The following SPICE1 variants were observed in gnomAD, a reference collection of about 807,000 sequenced individuals.
SPICE1 encodes the protein spindle and centriole associated protein 1, also known as spindle and centriole-associated protein 1.
A neutral mutation model predicts 102.7 loss-of-function variants in SPICE1; 75 were observed. The observed-to-expected ratio is 0.73, with a 90% CI of 0.61 to 0.88. SPICE1 has a LOEUF of 0.88. Among genes scored for constraint, SPICE1 ranks in the 40% least tolerant of loss-of-function variants. SPICE1 has a pLI of 0.00. For synonymous variants in SPICE1, 308 were observed against 350.3 expected (o/e 0.88, Z 1.35); for missense variants, 979 against 1,020.1 (o/e 0.96, Z 0.55).
At chr3:113,490,932 C>A (rs1936750842) in intron 6 of SPICE1, among the ~76,000 whole-genome samples, 1 of 152,128 alleles carries the variant, frequency 6.6e-6, no homozygotes, top group Non-Finnish European at 1.5e-5. Context: ...GGGTCAGGCC[C>A]TCACCACTTC....
At chr3:113,514,817 C>T (rs1264727137) in intron 1 of SPICE1, 80 bp downstream of exon 1, 2 of 1,261,586 alleles carry the variant, frequency 1.6e-6, no homozygotes, top group East Asian at 5.6e-5. Flanking sequence ...CAAAAGCTCC[C>T]GAAAGCGGTG....
intron 16 of SPICE1, among the ~76,000 whole-genome samples, 178 bp downstream of exon 16, chr3:113,447,860 T>C (rs886868244): frequency 1.3e-5 from 2 of 152,254 alleles, no homozygotes; most frequent in Non-Finnish European, 2.9e-5. Context: ...ACTTAAAGTT[T>C]ATTCCTCACT....
intron 7 of SPICE1, among the ~76,000 whole-genome samples, chr3:113,485,520 C>T (rs1431751490): frequency 6.6e-6 from 1 of 152,094 alleles, no homozygotes; most frequent in African/African-American, 2.4e-5. Flanking sequence ...TGCGGCCAGA[C>T]TGCCAGATTT....
chr3:113,491,603 C>G, intron 6 of SPICE1, among the ~76,000 whole-genome samples: 1 of 124,016 alleles, frequency 8.1e-6, no homozygotes, highest in East Asian at 2.3e-4. Flanking sequence ...CCAGCCTGGG[C>G]GACAGAGCGA....
chr3:113,478,076 C>T (rs571904232), intron 7 of SPICE1, among the ~76,000 whole-genome samples: 1 of 151,082 alleles, frequency 6.6e-6, no homozygotes, highest in East Asian at 1.9e-4. Flanking sequence ...AAGGTAACCA[C>T]CAGAACAAAA....
chr3:113,474,646 G>A (rs1395382579), intron 7 of SPICE1, among the ~76,000 whole-genome samples: 13 of 152,054 alleles, frequency 8.5e-5, no homozygotes, highest in Non-Finnish European at 1.5e-4. Context: ...ACTCAAAACC[G>A]CTCAACTACG....
At chr3:113,470,515 T>C (rs1321468130) in intron 7 of SPICE1, among the ~76,000 whole-genome samples, 1 of 152,220 alleles carries the variant, frequency 6.6e-6, no homozygotes, top group Non-Finnish European at 1.5e-5. Flanking sequence ...GAAATACTGC[T>C]AGCTTAAATT....
At chr3:113,445,501 G>T in intron 17 of SPICE1, 141 bp from the exon 18 acceptor site, 1 of 617,808 alleles carries the variant, frequency 1.6e-6, no homozygotes. Flanking sequence ...AATTGTTATT[G>T]GCAATGTTAA....
chr3:113,460,105 T>A, intron 12 of SPICE1: 2 of 985,430 alleles, frequency 2.0e-6, no homozygotes, highest in Non-Finnish European at 2.4e-6. Flanking sequence ...ATTCAGCCTA[T>A]AGCATATGAT....
intron 14 of SPICE1, among the ~76,000 whole-genome samples, chr3:113,450,896 G>A (rs1935637603): frequency 6.6e-6 from 1 of 152,278 alleles, no homozygotes; most frequent in South Asian, 2.1e-4. Flanking sequence ...ATATATAAAT[G>A]TGAATAGTGA....
rs925009362 is a variant in SPICE1, at chr3:113,469,179, A to C, written c.671T>G (p.Ile224Ser). The change falls in exon 8 of 18, where the codon ATT becomes AGT. Residue 224 changes from isoleucine (I) to serine (S), a missense_variant. By Grantham distance (142) the Ile-to-Ser change is moderately radical (BLOSUM62 -2). Coordinates refer to ENST00000295872, the MANE Select transcript of SPICE1 (RefSeq NM_144718.4). ...TGACTGGGTTGCTATTTTCTGCTGA[A>C]TGTCAGTCCACAACTTACTAATTAA... ...FELISKLWTD[I>S]QQKIATQSQI... is the part of the protein sequence containing the mutation. 6.2e-6 allele frequency: 10 copies of C among 1,613,208 alleles called. No individual in the cohort carries two copies. The highest frequency in any genetic ancestry group is 8.5e-6 in the Non-Finnish European group (10 of 1,179,568).
chr3:113,452,804 C>T (rs1433197164), intron 14 of SPICE1, among the ~76,000 whole-genome samples: 1 of 151,988 alleles, frequency 6.6e-6, no homozygotes, highest in South Asian at 2.1e-4. Context: ...ATGGTGAAAC[C>T]CCGTCTCTAC....
At chr3:113,508,212 G>A (rs978299447) in intron 1 of SPICE1, among the ~76,000 whole-genome samples, 1 of 152,048 alleles carries the variant, frequency 6.6e-6, no homozygotes, top group Non-Finnish European at 1.5e-5. Flanking sequence ...CGTGAGCCGT[G>A]GGTTAAGCAA....
chr3:113,507,371 A>G (rs1474550579), intron 1 of SPICE1, among the ~76,000 whole-genome samples: 1 of 152,148 alleles, frequency 6.6e-6, no homozygotes, highest in African/African-American at 2.4e-5. Context: ...ATACATATAC[A>G]TGACTACTAT....
intron 1 of SPICE1, among the ~76,000 whole-genome samples, chr3:113,509,926 G>A (rs778667799): frequency 6.6e-6 from 1 of 152,208 alleles, no homozygotes; most frequent in African/African-American, 2.4e-5. Flanking sequence ...TGTGAAAAAG[G>A]TACCTGCTTC....
At chr3:113,464,502 C>T (rs1936006607) in intron 11 of SPICE1, among the ~76,000 whole-genome samples, 1 of 152,096 alleles carries the variant, frequency 6.6e-6, no homozygotes, top group South Asian at 2.1e-4. Context: ...GTGATCTTCC[C>T]ACCTTGGCAC....
At chr3:113,472,496 G>A (rs898726565) in intron 7 of SPICE1, among the ~76,000 whole-genome samples, 1 of 152,224 alleles carries the variant, frequency 6.6e-6, no homozygotes, top group Non-Finnish European at 1.5e-5. Context: ...GTGGGTCCCT[G>A]ACCCCTGACC....
chr3:113,489,561 C>T (rs1936720898), intron 6 of SPICE1, among the ~76,000 whole-genome samples: 1 of 152,132 alleles, frequency 6.6e-6, no homozygotes, highest in Non-Finnish European at 1.5e-5. Context: ...TTAAAATCCA[C>T]TTGGCCAGGT....
rs1207474658 is a variant in SPICE1, at chr3:113,444,674, C to T, written c.*633G>A. ...ATCATATTTATTTGATTTGCATTAC[C>T]ATTATTGATGACATTTTCACATTTA... On this transcript the variant is annotated 3_prime_UTR_variant, in exon 18 of 18. Coordinates refer to ENST00000295872, the MANE Select transcript of SPICE1 (RefSeq NM_144718.4). The T allele has an allele frequency of 6.6e-6, 1 of 152,058 alleles. No homozygotes were observed. Among genetic ancestry groups the T allele is most frequent in the Non-Finnish European group, 1.5e-5 (1 of 68,026 alleles). The allele number at this position is 152,058 out of a possible 1,614,324, so 9.4% of individuals were successfully genotyped here.
Sources: allele counts gnomAD v4.1 joint callset (sites outside exome capture counted in the v4.1 genomes callset), GRCh38; gene constraint gnomAD v4.1.1; transcripts MANE v1.5; gene names NCBI Gene and HGNC (gene_info 2026-07-23, HGNC 2026-07-21).